Variants in NAALADL2 observed in about 807,000 individuals in gnomAD.
NAALADL2 encodes the protein inactive N-acetylated-alpha-linked acidic dipeptidase-like protein 2.
In NAALADL2, 76 loss-of-function variants were observed where a neutral mutation model predicts 87.2. That is an observed-to-expected ratio of 0.87 (90% CI 0.72 to 1.05). NAALADL2 has a LOEUF of 1.05. Among genes scored for constraint, NAALADL2 ranks in the 50% least tolerant of loss-of-function variants. The pLI, the probability that NAALADL2 is intolerant of heterozygous loss-of-function variation, is 0.00. For missense variants in NAALADL2, 1,089 were observed against 945.8 expected, an observed-to-expected ratio of 1.15 and a Z score of -1.99; for synonymous variants, 354 against 331.0, an observed-to-expected ratio of 1.07 and a Z score of -0.75.
chr3:175,311,579 C>T (rs1049672675), intron 4 of NAALADL2, among the ~76,000 whole-genome samples: 2 of 118,678 alleles, frequency 1.7e-5, no homozygotes, highest in Non-Finnish European at 4.2e-5. Context: ...ACAGGAAATG[C>T]TCCCTTCCCT....
intron 1 of NAALADL2, among the ~76,000 whole-genome samples, chr3:174,981,024 G>A (rs894245709): frequency 2.6e-5 from 4 of 152,024 alleles, no homozygotes; most frequent in African/African-American, 9.7e-5. Flanking sequence ...AAGCCCTAGG[G>A]TAAATTCTAG....
intron 1 of NAALADL2, among the ~76,000 whole-genome samples, chr3:175,071,090 G>A (rs9847453): frequency 0.87 from 132,589 of 152,068 alleles, 58,101 homozygotes; most frequent in East Asian, 1. Flanking sequence ...GAGGAAGCCA[G>A]TTAGGTCCCT....
intron 5 of NAALADL2, among the ~76,000 whole-genome samples, chr3:175,333,826 G>A (rs1761682848): frequency 6.6e-6 from 1 of 152,034 alleles, no homozygotes; most frequent in Non-Finnish European, 1.5e-5. Context: ...CTGGAAAAGA[G>A]GACTTGAAAT....
chr3:174,667,550 T>TG (rs1726086348), intron 2 of NAALADL2, among the ~76,000 whole-genome samples: 1 of 115,950 alleles, frequency 8.6e-6, no homozygotes, highest in African/African-American at 3.0e-5. Flanking sequence ...AGAGAGTTTT[T>TG]TTTTTTTTTT....
chr3:175,787,147 A>G (rs1166451822), intron 13 of NAALADL2, among the ~76,000 whole-genome samples: 43 of 152,188 alleles, frequency 2.8e-4, no homozygotes, highest in Admixed American at 7.2e-4. Flanking sequence ...AGTCTGCAGA[A>G]GTTACTGCTG....
intron 11 of NAALADL2, among the ~76,000 whole-genome samples, chr3:175,696,120 C>A (rs1560989806): frequency 6.6e-6 from 1 of 152,058 alleles, no homozygotes; most frequent in Admixed American, 6.6e-5. Flanking sequence ...AATTTCAACA[C>A]CTTCAGAAAA....
chr3:174,706,401 G>T (rs1730073131), intron 2 of NAALADL2, among the ~76,000 whole-genome samples: 1 of 152,100 alleles, frequency 6.6e-6, no homozygotes, highest in South Asian at 2.1e-4. Context: ...GATCTACAGT[G>T]GTTTCCTAAA....
At chr3:175,096,105 G>A (rs1420804221) in intron 1 of NAALADL2, among the ~76,000 whole-genome samples, 1 of 151,920 alleles carries the variant, frequency 6.6e-6, no homozygotes, top group Non-Finnish European at 1.5e-5. Context: ...AAAATTCACC[G>A]AGCCAGGCCA....
intron 1 of NAALADL2, among the ~76,000 whole-genome samples, chr3:174,944,451 T>G (rs903445832): frequency 6.6e-6 from 1 of 152,086 alleles, no homozygotes; most frequent in Admixed American, 6.5e-5. Context: ...GAGCTCTGTC[T>G]CAGGGAGGTA....
chr3:174,705,947 T>C (rs1348569656), intron 2 of NAALADL2, among the ~76,000 whole-genome samples: 1 of 152,158 alleles, frequency 6.6e-6, no homozygotes, highest in African/African-American at 2.4e-5. Flanking sequence ...TACTTTGGTG[T>C]TCTTTTCATT....
At position 174,447,732 on chromosome 3, in the gene NAALADL2, G is replaced by A. The variant is rs777196766; in HGVS notation, c.-184+6700G>A. Among the ~76,000 whole-genome samples, 84 of 151,932 alleles carry A rather than the reference G, an allele frequency of 5.5e-4. 1 individual carries two copies. Among genetic ancestry groups the A allele is most frequent in the Non-Finnish European group, 1.0e-3 (70 of 67,978 alleles). On this transcript the variant is annotated intron_variant, in intron 1 of 3. Coordinates refer to the NAALADL2 transcript ENST00000434257. Reference sequence around the variant, plus strand: ...CGGGAGGCTGAGGCAGGAGAATGGCGTGAACCTGGAAGGCGGAGCTTTCAG... The same window carrying A: ...CGGGAGGCTGAGGCAGGAGAATGGCATGAACCTGGAAGGCGGAGCTTTCAG...
At chr3:175,069,947 G>T (rs1715296647) in intron 1 of NAALADL2, among the ~76,000 whole-genome samples, 1 of 147,880 alleles carries the variant, frequency 6.8e-6, no homozygotes, top group Non-Finnish European at 1.5e-5. Flanking sequence ...TCACTCATAG[G>T]TGAGAATTGA....
intron 11 of NAALADL2, among the ~76,000 whole-genome samples, chr3:175,635,713 T>A (rs1187824389): frequency 6.9e-6 from 1 of 145,054 alleles, no homozygotes; most frequent in East Asian, 2.0e-4. Flanking sequence ...CGAATTTTGA[T>A]GTTAATTTCT....
rs138029389 is a variant in NAALADL2 at position 175,641,614 on chromosome 3, T to C, written c.1896+14228T>C. On this transcript the variant is annotated intron_variant, in intron 11 of 13. Transcript: ENST00000454872. ...TCTAAGCTACTCCAACCGTGATTTATTGACCATTTGGCATAAAAGTAAACA... is the reference window on the plus strand; with the variant it reads ...TCTAAGCTACTCCAACCGTGATTTACTGACCATTTGGCATAAAAGTAAACA... 5.9e-5 allele frequency among the ~76,000 whole-genome samples: 9 copies of C among 152,320 alleles called. No homozygotes were observed. In the East Asian group the frequency reaches 1.5e-3, roughly 26 times the overall value.
At chr3:174,722,424 TG>T (rs1282691966) in intron 2 of NAALADL2, among the ~76,000 whole-genome samples, 1 of 152,248 alleles carries the variant, frequency 6.6e-6, no homozygotes, top group Non-Finnish European at 1.5e-5. Flanking sequence ...TAGGGTGGGC[TG>T]GGTGTGGTTG....
intron 11 of NAALADL2, among the ~76,000 whole-genome samples, chr3:175,650,068 A>AC (rs1730551443): frequency 6.6e-6 from 1 of 151,794 alleles, no homozygotes; most frequent in South Asian, 2.1e-4. Context: ...AAAAAAAAAA[A>AC]AAAAAACCCT....
At chr3:175,227,229 A>G (rs1197252058) in intron 2 of NAALADL2, among the ~76,000 whole-genome samples, 3 of 151,988 alleles carry the variant, frequency 2.0e-5, no homozygotes, top group Non-Finnish European at 4.4e-5. Flanking sequence ...GCTTCCTCCA[A>G]TTCTGACATC....
chr3:175,459,552 G>T (rs1722800506), intron 6 of NAALADL2, among the ~76,000 whole-genome samples: 2 of 149,346 alleles, frequency 1.3e-5, no homozygotes, highest in African/African-American at 4.9e-5. Context: ...AATTTTTCCA[G>T]AAAAAAAGGA....
At chr3:175,039,541 G>A (rs1262129094) in intron 1 of NAALADL2, among the ~76,000 whole-genome samples, 1 of 152,092 alleles carries the variant, frequency 6.6e-6, no homozygotes, top group African/African-American at 2.4e-5. Context: ...GGGTTATGTA[G>A]TATAATTTTA....
Sources: allele counts gnomAD v4.1 joint callset (sites outside exome capture counted in the v4.1 genomes callset), GRCh38; gene constraint gnomAD v4.1.1; transcripts MANE v1.5; gene names NCBI Gene and HGNC (gene_info 2026-07-23, HGNC 2026-07-21).